Variants in STAMBP observed in about 807,000 individuals in gnomAD.
STAMBP encodes the protein STAM binding protein.
In STAMBP, 31 loss-of-function variants were observed where a neutral mutation model predicts 50.7. The ratio of observed to expected loss-of-function variants is 0.61; its 90% CI spans 0.46 to 0.83. The LOEUF (loss-of-function observed/expected upper bound fraction) is 0.83, where lower values mean the gene tolerates loss of function less well. STAMBP is among the 40% of genes least tolerant of loss of function. The pLI is 0.00. For synonymous variants in STAMBP, 211 were observed against 192.4 expected, an observed-to-expected ratio of 1.10 and a Z score of -0.80; for missense variants, 472 against 518.9, an observed-to-expected ratio of 0.91 and a Z score of 0.88.
At chr2:73,836,652 GA>G (rs1674750462) in intron 2 of STAMBP, among the ~76,000 whole-genome samples, 1 of 152,242 alleles carries the variant, frequency 6.6e-6, no homozygotes, top group Non-Finnish European at 1.5e-5. Context: ...TCAGAGACTA[GA>G]GGCTGGGAGG....
At chr2:73,833,413 T>G (rs1413667730) in intron 2 of STAMBP, among the ~76,000 whole-genome samples, 1 of 152,222 alleles carries the variant, frequency 6.6e-6, no homozygotes, top group Non-Finnish European at 1.5e-5. Flanking sequence ...AAAATTATAA[T>G]TATATTTCTG....
At position 73,832,108 on chromosome 2, in the gene STAMBP, T is replaced by TATATATATATATGTATAC. The variant is rs1006072205; in HGVS notation, c.203+1050_203+1051insTATATATATATGTATACA. Among the ~76,000 whole-genome samples, 39 of 122,892 alleles carry TATATATATATATGTATAC rather than the reference T, an allele frequency of 3.2e-4. 1 individual carries two copies. The highest frequency in any genetic ancestry group is 4.2e-3 in the Middle Eastern group (1 of 236). 80.6% of individuals were successfully genotyped at this position (122,892 alleles called of 152,430 possible). A position where few individuals can be genotyped will look rare whatever the true frequency, so the allele number is the denominator to read the frequency against. On this transcript the variant is annotated intron_variant, in intron 2 of 9. Transcript: ENST00000394070. ...ACATATATATATATATATATATATA[T>TATATATATATATGTATAC]ACACATATATATGGTGCACAATTCA...
At chr2:73,839,776 G>T (rs1350036933) in intron 2 of STAMBP, among the ~76,000 whole-genome samples, 1 of 152,174 alleles carries the variant, frequency 6.6e-6, no homozygotes, top group African/African-American at 2.4e-5. Flanking sequence ...GCTCATAGGT[G>T]CCCCCATGTG....
rs10685610 is a variant in STAMBP at position 73,847,081 on chromosome 2, C to CA, written c.376-289dup. On this transcript the variant is annotated intron_variant, in intron 4 of 9. Coordinates refer to ENST00000394070, the MANE Select transcript of STAMBP (RefSeq NM_213622.4). The stretch of plus-strand genomic sequence containing the variant: ...TGGGAAACAGAATGAGACCCTGTCT[C>CA]AAAAAAAAAAAAAAAAAGATTTCAG... Among the ~76,000 whole-genome samples, 876 of 96,120 alleles carry CA rather than the reference C, an allele frequency of 9.1e-3. 13 individuals are homozygous for CA. The highest frequency in any genetic ancestry group is 0.026 in the African/African-American group (688 of 26,962). The allele number at this position is 96,120 out of a possible 152,430, so 63.1% of individuals were successfully genotyped here. A position where few individuals can be genotyped will look rare whatever the true frequency, so the allele number is the denominator to read the frequency against.
downstream of STAMBP, among the ~76,000 whole-genome samples, chr2:73,872,081 G>T (rs1244281731): frequency 6.6e-6 from 1 of 152,110 alleles, no homozygotes; most frequent in Non-Finnish European, 1.5e-5. Flanking sequence ...CCAAGAAAAA[G>T]AACTTTTTAG....
intron 2 of STAMBP, among the ~76,000 whole-genome samples, chr2:73,837,884 G>A (rs1349329500): frequency 6.6e-6 from 1 of 152,142 alleles, no homozygotes; most frequent in East Asian, 1.9e-4. Context: ...GTCAATAGGG[G>A]AGACTTTCTT....
intron 2 of STAMBP, among the ~76,000 whole-genome samples, chr2:73,834,618 C>A (rs540257717): frequency 1.4e-4 from 21 of 152,064 alleles, no homozygotes; most frequent in Middle Eastern, 3.4e-3. Context: ...AATGGACCCA[C>A]ACCATTGAAA....
chr2:73,845,093 T>C (rs1675892062), intron 3 of STAMBP, 74 bp from the exon 4 acceptor site: 1 of 1,588,082 alleles, frequency 6.3e-7, no homozygotes, highest in Non-Finnish European at 8.6e-7. Flanking sequence ...AGTCACCAAC[T>C]TGACTTAAGT....
At chr2:73,862,086 G>T in intron 9 of STAMBP, 117 bp from the exon 10 acceptor site, 1 of 715,540 alleles carries the variant, frequency 1.4e-6, no homozygotes, top group South Asian at 2.6e-5. Flanking sequence ...GCAGTGAGCC[G>T]AGATCGTGCC....
At chr2:73,857,161 C>T (rs1054779237) in intron 7 of STAMBP, among the ~76,000 whole-genome samples, 2 of 152,296 alleles carry the variant, frequency 1.3e-5, no homozygotes, top group Middle Eastern at 3.4e-3. Flanking sequence ...TATCTTTCCC[C>T]GATGATGCCC....
chr2:73,870,191 A>G (rs935811067), downstream of STAMBP: 5 of 152,228 alleles, frequency 3.3e-5, no homozygotes, highest in Admixed American at 2.6e-4. Context: ...GCCAGACCCT[A>G]TTCTTGGACA....
chr2:73,840,378 A>T (rs528080955), intron 2 of STAMBP, among the ~76,000 whole-genome samples: 1 of 148,432 alleles, frequency 6.7e-6, no homozygotes, highest in African/African-American at 2.5e-5. Flanking sequence ...ATTTTTATAC[A>T]TATATCTTTG....
At chr2:73,870,439 G>A (rs1679156675), downstream of STAMBP, 1 of 152,214 alleles carries the variant, frequency 6.6e-6, no homozygotes, top group Non-Finnish European at 1.5e-5. Context: ...ACCCATCTGG[G>A]CTTAGCAGGC....
intron 9 of STAMBP, among the ~76,000 whole-genome samples, chr2:73,861,686 ATTT>A (rs954145238): frequency 4.7e-5 from 6 of 126,658 alleles, no homozygotes; most frequent in Admixed American, 7.9e-5. Flanking sequence ...ACCGGGTTAA[ATTT>A]TTTTTTTTTT....
At chr2:73,834,239 ATAT>A (rs1674420059) in intron 2 of STAMBP, among the ~76,000 whole-genome samples, 22 of 15,570 alleles carry the variant, frequency 1.4e-3, no homozygotes, top group East Asian at 2.7e-3. Flanking sequence ...AAAAAAAAAT[ATAT>A]ATATATATAT....
intron 9 of STAMBP, chr2:73,860,563 A>G (rs1678220290): frequency 1.0e-6 from 1 of 986,532 alleles, no homozygotes; most frequent in Non-Finnish European, 1.2e-6. Flanking sequence ...TTTGAAGGCA[A>G]AGGAAAAGAG....
At chr2:73,840,787 A>T (rs1207159805) in intron 2 of STAMBP, among the ~76,000 whole-genome samples, 1 of 152,024 alleles carries the variant, frequency 6.6e-6, no homozygotes, top group Non-Finnish European at 1.5e-5. Flanking sequence ...TAAATAGTAC[A>T]AATTAAAAAT....
chr2:73,843,218 G>T, intron 2 of STAMBP, among the ~76,000 whole-genome samples: 1 of 134,080 alleles, frequency 7.5e-6, no homozygotes, highest in African/African-American at 2.9e-5. Flanking sequence ...TCCAAATAGA[G>T]ATAGGATCTC....
At chr2:73,852,877 G>GTT (rs1196899849) in intron 7 of STAMBP, among the ~76,000 whole-genome samples, 1 of 147,892 alleles carries the variant, frequency 6.8e-6, no homozygotes, top group African/African-American at 2.6e-5. Flanking sequence ...GTGTGTGTGT[G>GTT]TGTGTATTTT....
Sources: allele counts gnomAD v4.1 joint callset (sites outside exome capture counted in the v4.1 genomes callset), GRCh38; gene constraint gnomAD v4.1.1; transcripts MANE v1.5; gene names NCBI Gene and HGNC (gene_info 2026-07-23, HGNC 2026-07-21).